The following CCSAP variants were observed in gnomAD, a reference collection of about 807,000 sequenced individuals.
CCSAP encodes the protein centriole, cilia and spindle-associated protein.
Under a neutral mutation model 25.9 loss-of-function variants are expected in CCSAP, and 17 were observed. The ratio of observed to expected loss-of-function variants is 0.66; its 90% confidence interval spans 0.45 to 0.99. The LOEUF is 0.99. CCSAP is among the 50% of genes least tolerant of loss of function. The pLI is 0.00. For synonymous variants in CCSAP, 169 were observed against 157.1 expected, an observed-to-expected ratio of 1.08 and a Z score of -0.57; for missense variants, 339 against 367.8, an observed-to-expected ratio of 0.92 and a Z score of 0.64.
At chr1:229,327,049 G>C in intron 2 of CCSAP, 43 bp from the exon 3 acceptor site, 1 of 1,457,100 alleles carries the variant, frequency 6.9e-7, no homozygotes, top group South Asian at 1.4e-5. Context: ...TTTGAAATCA[G>C]ATTTATATAT....
rs1657823190 is a variant in CCSAP, at chr1:229,321,482, C to T, written c.*3753G>A. On this transcript the variant is annotated 3_prime_UTR_variant, in exon 4 of 4. Transcript: ENST00000284617. Reference sequence around the variant, plus strand: ...TACAAAAATTCATTTCAAATGCAAACGTTGTGCAATGACCAGGTCATATTT... The same window carrying T: ...TACAAAAATTCATTTCAAATGCAAATGTTGTGCAATGACCAGGTCATATTT... 1 of 152,216 alleles carries T rather than the reference C, an allele frequency of 6.6e-6. No homozygotes were observed. Among genetic ancestry groups the T allele is most frequent in the African/African-American group, 2.4e-5 (1 of 41,522 alleles). The allele number at this position is 152,216 out of a possible 1,614,324, so 9.4% of individuals were successfully genotyped here. A position where few individuals can be genotyped will look rare whatever the true frequency, so the allele number is the denominator to read the frequency against.
chr1:229,329,712 C>T (rs1006484182), intron 2 of CCSAP, among the ~76,000 whole-genome samples: 3 of 152,144 alleles, frequency 2.0e-5, no homozygotes, highest in African/African-American at 4.8e-5. Flanking sequence ...CCCCTCCAGC[C>T]AGGTACGGTG....
In CCSAP at chr1:229,340,459, T is replaced by C. The variant is rs1202765821; in HGVS notation, c.367+1640A>G. The C allele has an allele frequency of 2.8e-6, 2 of 715,464 alleles. 1 individual carries two copies. The highest frequency in any genetic ancestry group is 3.0e-5 in the South Asian group (2 of 66,960). The allele number at this position is 715,464 out of a possible 1,614,324, so 44.3% of individuals were successfully genotyped here. A position where few individuals can be genotyped will look rare whatever the true frequency, so the allele number is the denominator to read the frequency against. On this transcript the variant is annotated intron_variant, in intron 2 of 3. Transcript: ENST00000284617. The stretch of plus-strand genomic sequence containing the variant: ...CAACGCTGCCTAAAAATTGTATTTA[T>C]ATTGCATGCAAATATTTGACAACTC...
Position 229,342,270 on chromosome 1 carries a change from A to C in CCSAP, c.196T>G (p.Ser66Ala). 13 of 1,330,888 alleles carry C rather than the reference A, an allele frequency of 9.8e-6. No homozygotes were observed. The highest frequency in any genetic ancestry group is 1.2e-5 in the Non-Finnish European group (13 of 1,041,844). The allele number at this position is 1,330,888 out of a possible 1,614,324, so 82.4% of individuals were successfully genotyped here. A position where few individuals can be genotyped will look rare whatever the true frequency, so the allele number is the denominator to read the frequency against. Residue 66 changes from serine to alanine, a missense_variant, in exon 2 of 4, where the codon TCG becomes GCG. Ser to Ala is a moderately conservative substitution (Grantham distance 99, BLOSUM62 1). Coordinates refer to ENST00000284617, the MANE Select transcript of CCSAP (RefSeq NM_145257.5). The surrounding 1 kb of genome is among the most constrained non-coding windows in gnomAD (Gnocchi z 7.5). The part of the protein sequence containing the change: ...GSSEDSASSE[S>A]SGAGGPAPRC... Reference sequence around the variant, plus strand: ...GGTGCGGGGCCCCCGGCGCCCGACGACTCTGACGACGCCGAGTCCTCCGAG... The same window carrying C: ...GGTGCGGGGCCCCCGGCGCCCGACGCCTCTGACGACGCCGAGTCCTCCGAG...
In CCSAP at chr1:229,325,166, G is replaced by A; in HGVS notation, c.*69C>T. On this transcript the variant is annotated 3_prime_UTR_variant, in exon 4 of 4. Transcript: ENST00000284617. ...TAAACCTGTGTCCGTTTCTTTTGAT[G>A]GTTTTTGTTTTGTTTTTCCTTTCAG... 1 of 1,437,202 alleles carries A rather than the reference G, an allele frequency of 7.0e-7. No homozygotes were observed. The highest frequency in any genetic ancestry group is 9.4e-7 in the Non-Finnish European group (1 of 1,069,302). 89.0% of individuals were successfully genotyped at this position (1,437,202 alleles called of 1,614,324 possible).
chr1:229,342,521 A>C lies in CCSAP; in HGVS notation c.-48-8T>G. The C allele has an allele frequency of 8.3e-7, 1 of 1,209,832 alleles. No homozygotes were observed. 74.9% of individuals were successfully genotyped at this position (1,209,832 alleles called of 1,614,324 possible). A position where few individuals can be genotyped will look rare whatever the true frequency, so the allele number is the denominator to read the frequency against. On this transcript the variant is annotated splice_region_variant and splice_polypyrimidine_tract_variant and intron_variant, in intron 1 of 3. Coordinates refer to ENST00000284617, the MANE Select transcript of CCSAP (RefSeq NM_145257.5). This position sits in a 1 kb window ranked among gnomAD's most constrained non-coding sequence, Gnocchi z 7.5. ...CTCCTCGCTGCCCGCAGCCTACGGG[A>C]CCCGGTACACGACACAGAGGCCGCC...
chr1:229,328,644 A>G, intron 2 of CCSAP, among the ~76,000 whole-genome samples: 1 of 152,236 alleles, frequency 6.6e-6, no homozygotes, highest in Admixed American at 6.5e-5. Context: ...TACAATCTAT[A>G]TAAGGTCTTA....
intron 2 of CCSAP, among the ~76,000 whole-genome samples, chr1:229,337,586 A>G (rs1658219389): frequency 6.7e-6 from 1 of 149,672 alleles, no homozygotes; most frequent in Non-Finnish European, 1.5e-5. Flanking sequence ...CACACAAAGG[A>G]GGGAAATAAT....
intron 3 of CCSAP, 32 bp from the exon 4 acceptor site, chr1:229,325,443 T>G (rs1192624016): frequency 6.3e-7 from 1 of 1,593,960 alleles, no homozygotes; most frequent in East Asian, 2.2e-5. Flanking sequence ...GGATAGTAAC[T>G]TAAGGGGCTA....
Position 229,326,726 on chromosome 1 carries a change from C to G in CCSAP, c.636+12G>C. ...CAAAGGGAACACAGAACCACAAGGGCCCAGAGCGCACCTCGTGCACAGGAG... is the reference window on the plus strand; with the variant it reads ...CAAAGGGAACACAGAACCACAAGGGGCCAGAGCGCACCTCGTGCACAGGAG... On this transcript the variant is annotated intron_variant, in intron 3 of 3. Coordinates refer to ENST00000284617, the MANE Select transcript of CCSAP (RefSeq NM_145257.5). 6.2e-7 allele frequency: 1 copy of G among 1,613,350 alleles called. No homozygotes were observed. Among genetic ancestry groups the G allele is most frequent in the East Asian group, 2.2e-5 (1 of 44,876 alleles).
intron 2 of CCSAP, among the ~76,000 whole-genome samples, chr1:229,333,187 C>T (rs1357211508): frequency 2.0e-5 from 3 of 152,158 alleles, no homozygotes; most frequent in Admixed American, 1.3e-4. Flanking sequence ...AATCCCAGCA[C>T]TTTGGGAGGC....
At chr1:229,336,526 T>A (rs1658200463) in intron 2 of CCSAP, among the ~76,000 whole-genome samples, 1 of 152,148 alleles carries the variant, frequency 6.6e-6, no homozygotes, top group Admixed American at 6.5e-5. Flanking sequence ...GGCAGCTCAC[T>A]CAAGAGACGC....
At chr1:229,334,321 T>C (rs1437067775) in intron 2 of CCSAP, among the ~76,000 whole-genome samples, 1 of 152,252 alleles carries the variant, frequency 6.6e-6, no homozygotes, top group Non-Finnish European at 1.5e-5. Context: ...AATATTTCCT[T>C]ACGTGGATAC....
Position 229,342,164 on chromosome 1 carries a change from G to A in CCSAP, c.302C>T (p.Pro101Leu). The A allele has an allele frequency of 7.7e-7, 1 of 1,299,582 alleles. No homozygotes were observed. Among genetic ancestry groups the A allele is most frequent in the Non-Finnish European group, 9.8e-7 (1 of 1,024,044 alleles). 80.5% of individuals were successfully genotyped at this position (1,299,582 alleles called of 1,614,324 possible). A position where few individuals can be genotyped will look rare whatever the true frequency, so the allele number is the denominator to read the frequency against. ...CCCGGCCTCCGCGTCCTGCTCCTCCGGGGCCCCGCGCGCCCGCCGTTCCGC... is the reference window on the plus strand; with the variant it reads ...CCCGGCCTCCGCGTCCTGCTCCTCCAGGGCCCCGCGCGCCCGCCGTTCCGC... The part of the protein sequence containing the change: ...EEAERRARGA[P>L]EEQDAEAGDA... Residue 101 changes from proline (P) to leucine (L), a missense_variant, in exon 2 of 4, where the codon CCG becomes CTG. Transcript: ENST00000284617. This position sits in a 1 kb window ranked among gnomAD's most constrained non-coding sequence, Gnocchi z 7.5.
At position 229,342,110 on chromosome 1, in the gene CCSAP, G is replaced by A. The variant is rs527713891; in HGVS notation, c.356C>T (p.Ala119Val). The change falls in exon 2 of 4, where the codon GCG (alanine) becomes GTG (valine). Residue 119 changes from alanine to valine, a missense_variant. Ala to Val is a moderately conservative substitution (Grantham distance 64). Coordinates refer to ENST00000284617, the MANE Select transcript of CCSAP (RefSeq NM_145257.5). This position sits in a 1 kb window ranked among gnomAD's most constrained non-coding sequence, Gnocchi z 7.5. The stretch of plus-strand genomic sequence containing the variant: ...TCCGGGCCGGGTACCTGGCAGAGCC[G>A]CGTCCTCCGCGTCCTCGGCCTCCGC... Reference protein sequence around the residue: ...GDAEAEDAEDAALPALPVKDV... With the variant: ...GDAEAEDAEDVALPALPVKDV... 1.5e-6 allele frequency: 2 copies of A among 1,345,232 alleles called. No homozygotes were observed. The highest frequency in any genetic ancestry group is 1.9e-4 in the Middle Eastern group (1 of 5,156). The allele number at this position is 1,345,232 out of a possible 1,614,324, so 83.3% of individuals were successfully genotyped here. A position where few individuals can be genotyped will look rare whatever the true frequency, so the allele number is the denominator to read the frequency against.
In CCSAP at chr1:229,322,117, G is replaced by C. The variant is rs1013617688; in HGVS notation, c.*3118C>G. 1 of 152,196 alleles carries C rather than the reference G, an allele frequency of 6.6e-6. No individual in the cohort carries two copies. 9.4% of individuals were successfully genotyped at this position (152,196 alleles called of 1,614,324 possible). On this transcript the variant is annotated 3_prime_UTR_variant, in exon 4 of 4. Coordinates refer to ENST00000284617, the MANE Select transcript of CCSAP (RefSeq NM_145257.5). Reference sequence around the variant, plus strand: ...CTGGAACCAATGCCCCATGGATACTGAGAGGCGACTGTACCATAACATTCC... The same window carrying C: ...CTGGAACCAATGCCCCATGGATACTCAGAGGCGACTGTACCATAACATTCC...
chr1:229,325,378 T>A lies in CCSAP; in HGVS notation c.670A>T (p.Arg224Ter). ...ACCAGTTTCCTTTTTTCCACCTGTC[T>A]TCTGTTCTTGGCTCGTAATGCTGAT... is the stretch of plus-strand genomic sequence containing the variant. ...HESALRAKNR[R>*]QVEKRKLVAQ... Residue 224 changes from arginine to a stop codon, truncating the protein, a stop_gained, in exon 4 of 4, where the codon AGA (arginine) becomes TGA (stop). Coordinates refer to ENST00000284617, the MANE Select transcript of CCSAP (RefSeq NM_145257.5). LOFTEE classifies it low-confidence loss of function (END_TRUNC). 1 of 1,614,106 alleles carries A rather than the reference T, an allele frequency of 6.2e-7. No homozygotes were observed. The highest frequency in any genetic ancestry group is 8.5e-7 in the Non-Finnish European group (1 of 1,180,012).
intron 3 of CCSAP, among the ~76,000 whole-genome samples, chr1:229,325,804 A>T (rs1253453473): frequency 6.6e-6 from 1 of 152,268 alleles, no homozygotes; most frequent in Admixed American, 6.5e-5. Flanking sequence ...TAAATGTTTA[A>T]CATCAGTATA....
Position 229,323,703 on chromosome 1 carries a change from A to G in CCSAP, c.*1532T>C, listed in dbSNP as rs1657877806. ...CCTCAAAACTATGCAAATATTTAAA[A>G]AGTTTTTTTAAGCTCACAATACTTC... On this transcript the variant is annotated 3_prime_UTR_variant, in exon 4 of 4. Transcript: ENST00000284617. 1 of 152,228 alleles carries G rather than the reference A, an allele frequency of 6.6e-6. No individual in the cohort carries two copies. The highest frequency in any genetic ancestry group is 1.5e-5 in the Non-Finnish European group (1 of 68,038). 9.4% of individuals were successfully genotyped at this position (152,228 alleles called of 1,614,324 possible).
Sources: gnomAD v4.1 joint callset for allele counts (sites outside exome capture counted in the v4.1 genomes callset) on GRCh38, gnomAD v4.1.1 for gene constraint, Gnocchi (gnomAD v3.1) non-coding constraint, MANE v1.5 for transcripts, NCBI Gene and HGNC (gene_info 2026-07-23, HGNC 2026-07-21) for gene names.